The following PEX5 variants were observed in gnomAD, a reference collection of about 807,000 sequenced individuals.
PEX5 encodes PTS1 receptor.
Under a neutral mutation model 82.9 loss-of-function variants are expected in PEX5, and 52 were observed. That is an observed-to-expected ratio of 0.63 (90% CI 0.50 to 0.79). The LOEUF (loss-of-function observed/expected upper bound fraction) is 0.79, where lower values mean the gene tolerates loss of function less well. Among genes scored for constraint, PEX5 ranks in the 30% least tolerant of loss-of-function variants. The pLI is 0.00. For synonymous variants in PEX5, 300 were observed against 318.8 expected (o/e 0.94, Z 0.63); for missense variants, 719 against 815.2 (o/e 0.88, Z 1.44).
intron 10 of PEX5, among the ~76,000 whole-genome samples, chr12:7,205,572 C>G (rs1018564766): frequency 5.3e-5 from 8 of 152,152 alleles, no homozygotes; most frequent in African/African-American, 1.7e-4. Flanking sequence ...TTGGAGCAGA[C>G]CAGACCGTGT....
intron 9 of PEX5, among the ~76,000 whole-genome samples, chr12:7,203,110 A>G (rs1287573205): frequency 6.6e-6 from 1 of 151,878 alleles, no homozygotes; most frequent in Non-Finnish European, 1.5e-5. Context: ...ACGAGATGAG[A>G]TCACGCCATT....
chr12:7,198,975 A>T, intron 5 of PEX5, 36 bp from the exon 6 acceptor site: 1 of 1,148,170 alleles, frequency 8.7e-7, no homozygotes, highest in Non-Finnish European at 1.3e-6. Context: ...CACTGAATGA[A>T]CCTGTGTGAT....
chr12:7,215,558 C>T (rs1002839262), downstream of PEX5, among the ~76,000 whole-genome samples: 3 of 152,156 alleles, frequency 2.0e-5, no homozygotes, highest in Non-Finnish European at 4.4e-5. Flanking sequence ...TACTATGCAT[C>T]CGCGAAAAAG....
At chr12:7,203,579 G>T in intron 10 of PEX5, 28 bp downstream of exon 10, 13 of 1,606,138 alleles carry the variant, frequency 8.1e-6, no homozygotes, top group Non-Finnish European at 1.1e-5. Flanking sequence ...AGTTTTTCAG[G>T]TTCCAGAACT....
Position 7,189,731 on chromosome 12 carries a change from G to T in PEX5, c.-36G>T, listed in dbSNP as rs1214605246. On this transcript the variant is annotated 5_prime_UTR_variant, in exon 1 of 16. Transcript: ENST00000675855. ...CCAGCACCTGGTGCCCCGGCGGGTC[G>T]TGCGGCGCGGCGCTCCGCGGTGAGC... The T allele has an allele frequency of 1.0e-5, 4 of 394,106 alleles. No individual in the cohort carries two copies. The highest frequency in any genetic ancestry group is 4.0e-5 in the East Asian group (1 of 25,030). 24.4% of individuals were successfully genotyped at this position (394,106 alleles called of 1,614,324 possible). A position where few individuals can be genotyped will look rare whatever the true frequency, so the allele number is the denominator to read the frequency against.
chr12:7,203,550 A>T lies in PEX5; in HGVS notation c.965A>T (p.Lys322Met), dbSNP rs770028664. The T allele has an allele frequency of 1.2e-6, 2 of 1,613,468 alleles. No individual in the cohort carries two copies. The highest frequency in any genetic ancestry group is 3.3e-5 in the Admixed American group (2 of 59,920). The stretch of plus-strand genomic sequence containing the variant: ...GACCTTACGTCAGCTACCTATGATA[A>T]GGTGAGGTAAAAACTCTTAGTTTTT... ...YDDLTSATYDKGYQFEEENPL... is the reference protein window; with the variant it reads ...YDDLTSATYDMGYQFEEENPL... Residue 322 changes from lysine to methionine, a missense_variant and splice_region_variant, in exon 10 of 16, where the codon AAG (lysine) becomes ATG (methionine). Coordinates refer to ENST00000675855, the MANE Select transcript of PEX5 (RefSeq NM_001351132.2).
Position 7,209,884 on chromosome 12 carries a change from C to CTGCCT in PEX5, c.1718+46_1718+50dup, listed in dbSNP as rs771192897. The CTGCCT allele has an allele frequency of 5.5e-5, 88 of 1,611,262 alleles. No individual in the cohort carries two copies. The East Asian group carries it at 1.9e-3, about 35-fold the overall frequency. On this transcript the variant is annotated intron_variant, in intron 15 of 15. Coordinates refer to ENST00000675855, the MANE Select transcript of PEX5 (RefSeq NM_001351132.2). ...AAATGAATGAATGAGCTTTTTCTCC[C>CTGCCT]TGCCTTTGGCCCTAGCTCCTTATTC...
At chr12:7,191,776 A>G (rs933004132) in intron 5 of PEX5, 76 bp downstream of exon 5, 5 of 1,409,720 alleles carry the variant, frequency 3.5e-6, no homozygotes, top group Non-Finnish European at 5.0e-6. Context: ...TTCACGTTAT[A>G]GTGTGATTAC....
rs775270297 is a variant in PEX5, at chr12:7,201,669, A to G, written c.552-82A>G. The stretch of plus-strand genomic sequence containing the variant: ...ATGGAGTTCCCTCACAGGAACTGTC[A>G]TTGTCATGGGCTAGGAGTGGGGAGT... On this transcript the variant is annotated intron_variant, in intron 6 of 15. Coordinates refer to ENST00000675855, the MANE Select transcript of PEX5 (RefSeq NM_001351132.2). 5 of 997,060 alleles carry G rather than the reference A, an allele frequency of 5.0e-6. No homozygotes were observed. In the Admixed American group the frequency reaches 7.0e-5, roughly 14 times the overall value. The allele number at this position is 997,060 out of a possible 1,614,324, so 61.8% of individuals were successfully genotyped here.
rs768819768 is a variant in PEX5 at position 7,190,331 on chromosome 12, A to G, written c.-16-31A>G. 78 of 1,611,212 alleles carry G rather than the reference A, an allele frequency of 4.8e-5. No homozygotes were observed. In the Middle Eastern group the frequency reaches 1.0e-3, roughly 21 times the overall value. On this transcript the variant is annotated intron_variant, in intron 1 of 15. Transcript: ENST00000675855. ...GATGTGAGAAGGGTCTGGCTTGGGT[A>G]CCTCAGTTCCAAACCTCCTGTGTCC...
At chr12:7,189,548 A>G (rs765739387), upstream of PEX5, 322 of 196,396 alleles carry the variant, frequency 1.6e-3, 4 homozygotes, top group African/African-American at 7.1e-3. Flanking sequence ...TTCCCCTTTA[A>G]GACTCACGGC....
Position 7,207,790 on chromosome 12 carries a change from T to C in PEX5, c.1098T>C (p.Pro366=). 1 of 1,614,128 alleles carries C rather than the reference T, an allele frequency of 6.2e-7. No individual in the cohort carries two copies. The highest frequency in any genetic ancestry group is 1.1e-5 in the South Asian group (1 of 91,076). ...TTGAGGCAGCTGTGCAGCAGGATCCTAAGCACATGGAAGTGAGTGACTCCA... is the reference window on the plus strand; with the variant it reads ...TTGAGGCAGCTGTGCAGCAGGATCCCAAGCACATGGAAGTGAGTGACTCCA... The part of the protein sequence containing the change: ...LLFEAAVQQD[P]KHMEAWQYLG... The change falls in exon 11 of 16, where the codon CCT becomes CCC. Residue 366 remains proline (P), a synonymous_variant. Transcript: ENST00000675855.
intron 5 of PEX5, among the ~76,000 whole-genome samples, chr12:7,192,480 T>C (rs905837859): frequency 5.9e-5 from 9 of 152,240 alleles, no homozygotes; most frequent in African/African-American, 1.7e-4. Context: ...AAGCATCCAT[T>C]GCTCCTGCAT....
intron 5 of PEX5, among the ~76,000 whole-genome samples, chr12:7,198,312 C>G (rs898019765): frequency 1.3e-5 from 2 of 152,092 alleles, no homozygotes; most frequent in African/African-American, 4.8e-5. Flanking sequence ...TGTAAACGTT[C>G]TGTATCTTGA....
chr12:7,194,258 C>T (rs1458649927), intron 5 of PEX5, among the ~76,000 whole-genome samples: 2 of 151,194 alleles, frequency 1.3e-5, no homozygotes, highest in South Asian at 2.1e-4. Flanking sequence ...AAGAATGTTG[C>T]AGCTCAATTA....
At chr12:7,196,342 C>G (rs1302104783) in intron 5 of PEX5, among the ~76,000 whole-genome samples, 23 of 131,472 alleles carry the variant, frequency 1.7e-4, no homozygotes, top group Non-Finnish European at 2.8e-4. Context: ...TTATATATGT[C>G]ATATATAATT....
chr12:7,191,599 A>G lies in PEX5; in HGVS notation c.347A>G (p.Glu116Gly). ...APGVADLALS[E>G]NWAQEFLAAG... ...GGTGTGGCAGACTTGGCCTTGTCTG[A>G]GAACTGGGCCCAGGAGTTTCTTGCA... is the stretch of plus-strand genomic sequence containing the variant. The change falls in exon 5 of 16, where the codon GAG becomes GGG. Residue 116 changes from glutamate (E) to glycine (G), a missense_variant. Coordinates refer to ENST00000675855, the MANE Select transcript of PEX5 (RefSeq NM_001351132.2). 6.2e-7 allele frequency: 1 copy of G among 1,614,016 alleles called. No homozygotes were observed. The highest frequency in any genetic ancestry group is 8.5e-7 in the Non-Finnish European group (1 of 1,179,890).
chr12:7,209,810 G>A lies in PEX5; in HGVS notation c.1688G>A (p.Gly563Asp). 1 of 1,614,182 alleles carries A rather than the reference G, an allele frequency of 6.2e-7. No individual in the cohort carries two copies. The highest frequency in any genetic ancestry group is 8.5e-7 in the Non-Finnish European group (1 of 1,180,028). Residue 563 changes from glycine to aspartate, a missense_variant, in exon 15 of 16, where the codon GGC becomes GAC. Physicochemically the swap from Gly to Asp is moderately conservative, Grantham distance 94 (BLOSUM62 -1). Coordinates refer to ENST00000675855, the MANE Select transcript of PEX5 (RefSeq NM_001351132.2). ...PGYIRSRYNL[G>D]ISCINLGAHR... ...TATATCCGGTCCCGCTATAACCTGG[G>A]CATCAGCTGCATCAACCTCGGGGCT...
At chr12:7,199,264 C>T (rs1050432406) in intron 6 of PEX5, 151 bp downstream of exon 6, 11 of 480,172 alleles carry the variant, frequency 2.3e-5, no homozygotes, top group Middle Eastern at 6.2e-4. Context: ...GGGGATTTGG[C>T]AGGGTCATAG....
Sources: gnomAD v4.1 joint callset for allele counts (sites outside exome capture counted in the v4.1 genomes callset) on GRCh38, gnomAD v4.1.1 for gene constraint, MANE v1.5 for transcripts, NCBI Gene and HGNC (gene_info 2026-07-23, HGNC 2026-07-21) for gene names.